TSNARE1: variants seen among roughly 807,000 people sequenced by gnomAD.
The protein encoded by TSNARE1 is t-SNARE domain containing 1, also known as t-SNARE domain-containing protein 1.
In TSNARE1, 49 loss-of-function variants were observed where a neutral mutation model predicts 62.0. The ratio of observed to expected loss-of-function variants is 0.79; its 90% CI spans 0.63 to 1.00. The LOEUF (loss-of-function observed/expected upper bound fraction) is 1.00. TSNARE1 is among the 50% of genes least tolerant of loss of function. The probability of loss-of-function intolerance (pLI) is 0.00; values close to 1 mark genes in which losing one functional copy is unlikely to be tolerated. For synonymous variants in TSNARE1, 328 were observed against 294.4 expected, an observed-to-expected ratio of 1.11 and a Z score of -1.17; for missense variants, 755 against 700.1, an observed-to-expected ratio of 1.08 and a Z score of -0.88.
intron 10 of TSNARE1, among the ~76,000 whole-genome samples, chr8:142,289,455 C>T (rs768589387): frequency 4.6e-5 from 7 of 152,194 alleles, no homozygotes; most frequent in African/African-American, 1.4e-4. Context: ...TCCCTCCTGG[C>T]GACCGAGCTG....
rs138793033 is a variant in TSNARE1 at position 142,352,032 on chromosome 8, C to T, written c.88+2605G>A. On this transcript the variant is annotated intron_variant, in intron 2 of 13. Transcript: ENST00000524325. ...ATGGAAGTTACTAAAGAGAAAAGTGCGAGTCCCGAAGGGAATGATGGATCA... is the reference window on the plus strand; with the variant it reads ...ATGGAAGTTACTAAAGAGAAAAGTGTGAGTCCCGAAGGGAATGATGGATCA... Among the ~76,000 whole-genome samples the T allele has an allele frequency of 6.0e-3, 921 of 152,342 alleles. 10 individuals are homozygous for T. Among genetic ancestry groups the T allele is most frequent in the African/African-American group, 0.021 (862 of 41,572 alleles).
intron 6 of TSNARE1, among the ~76,000 whole-genome samples, chr8:142,324,374 C>T (rs1440202260): frequency 6.6e-6 from 1 of 152,224 alleles, no homozygotes; most frequent in African/African-American, 2.4e-5. Context: ...TGCACAGCTG[C>T]CAGCTCGGCG....
At chr8:142,244,315 C>G (rs1172629240) in intron 12 of TSNARE1, among the ~76,000 whole-genome samples, 1 of 152,202 alleles carries the variant, frequency 6.6e-6, no homozygotes, top group African/African-American at 2.4e-5. Context: ...AGATCACACA[C>G]ATTTCTATAT....
At chr8:142,273,342 C>G in intron 12 of TSNARE1, 2 of 985,420 alleles carry the variant, frequency 2.0e-6, no homozygotes, top group Non-Finnish European at 1.2e-6. Flanking sequence ...TGGTGTGGCC[C>G]TGAGTTTCCA....
At chr8:142,400,248 C>T (rs116354727) in intron 1 of TSNARE1, among the ~76,000 whole-genome samples, 1,529 of 151,808 alleles carry the variant, frequency 0.01, 33 homozygotes, top group African/African-American at 0.035. Context: ...AGTTTGAGTC[C>T]AGCCTAGCCA....
In TSNARE1 at chr8:142,319,063, C is replaced by T. The variant is rs1304554497; in HGVS notation, c.894-429G>A. Among the ~76,000 whole-genome samples the T allele has an allele frequency of 2.0e-5, 3 of 151,924 alleles. No homozygotes were observed. Among genetic ancestry groups the T allele is most frequent in the Non-Finnish European group, 2.9e-5 (2 of 67,968 alleles). ...GGGCAGAAAGGCAGGCAGAGAGAGA[C>T]GGCGCAGGTAAGCTCTGGCTGGGGT... On this transcript the variant is annotated intron_variant, in intron 6 of 13. Coordinates refer to ENST00000524325, the MANE Select transcript of TSNARE1 (RefSeq NM_145003.5). This position sits in a 1 kb window ranked among gnomAD's most constrained non-coding sequence, Gnocchi z 4.9.
intron 11 of TSNARE1, chr8:142,278,924 C>T: frequency 4.7e-6 from 2 of 421,770 alleles, no homozygotes; most frequent in Non-Finnish European, 6.4e-6. Context: ...GCCCAAACTC[C>T]TCAACGTGAC....
intron 10 of TSNARE1, among the ~76,000 whole-genome samples, chr8:142,294,887 C>T (rs182480120): frequency 6.6e-6 from 1 of 152,346 alleles, no homozygotes; most frequent in African/African-American, 2.4e-5. Flanking sequence ...TGGGAATGGC[C>T]TCTCCATCTT....
intron 12 of TSNARE1, among the ~76,000 whole-genome samples, chr8:142,230,938 G>A (rs1345765296): frequency 1.4e-5 from 2 of 141,772 alleles, no homozygotes; most frequent in South Asian, 2.4e-4. Flanking sequence ...CCATCCATCC[G>A]TCCACCTATC....
intron 13 of TSNARE1, among the ~76,000 whole-genome samples, chr8:142,212,832 G>A (rs1330522592): frequency 1.6e-5 from 1 of 64,106 alleles, no homozygotes; most frequent in Non-Finnish European, 2.9e-5. Flanking sequence ...TCCCTCTCCT[G>A]TCCCCTCTCC....
rs978811438 is a variant in TSNARE1 at position 142,275,661 on chromosome 8, G to A, written c.1364-798C>T. Reference sequence around the variant, plus strand: ...AGCACGGGCAAGCCTTCTTCCCGGAGGGAGGTTCCTTGCAAGGCCTGCCTC... The same window carrying A: ...AGCACGGGCAAGCCTTCTTCCCGGAAGGAGGTTCCTTGCAAGGCCTGCCTC... On this transcript the variant is annotated intron_variant, in intron 11 of 13. Coordinates refer to ENST00000524325, the MANE Select transcript of TSNARE1 (RefSeq NM_145003.5). 2.6e-5 allele frequency: 26 copies of A among 985,468 alleles called. No homozygotes were observed. In the African/African-American group the frequency reaches 3.5e-4, roughly 13 times the overall value. 61.0% of individuals were successfully genotyped at this position (985,468 alleles called of 1,614,324 possible).
intron 12 of TSNARE1, among the ~76,000 whole-genome samples, chr8:142,264,901 C>T (rs1819055313): frequency 6.6e-6 from 1 of 152,202 alleles, no homozygotes; most frequent in African/African-American, 2.4e-5. Context: ...GCTCACTGGA[C>T]AGTTCCAAAT....
chr8:142,344,698 T>G (rs1391293789), intron 3 of TSNARE1, among the ~76,000 whole-genome samples: 3 of 152,164 alleles, frequency 2.0e-5, no homozygotes, highest in African/African-American at 4.8e-5. Context: ...AGCTTCTGGG[T>G]CACAGTGCCC....
intron 2 of TSNARE1, 47 bp downstream of exon 2, chr8:142,354,590 A>G (rs910045169): frequency 2.2e-6 from 3 of 1,368,564 alleles, no homozygotes; most frequent in African/African-American, 2.9e-5. Flanking sequence ...TACCCTACCC[A>G]CTACCATCCC....
In TSNARE1 at chr8:142,274,836, G is replaced by A. The variant is rs780434151; in HGVS notation, c.1391C>T (p.Ala464Val). The A allele has an allele frequency of 1.3e-5, 20 of 1,577,580 alleles. No individual in the cohort carries two copies. Among genetic ancestry groups the A allele is most frequent in the African/African-American group, 4.1e-5 (3 of 73,230 alleles). Residue 464 changes from alanine to valine, a missense_variant, in exon 12 of 14, where the codon GCG (alanine) becomes GTG (valine). By Grantham distance (64) the Ala-to-Val change is moderately conservative. Coordinates refer to ENST00000524325, the MANE Select transcript of TSNARE1 (RefSeq NM_145003.5). ...VDSIEASLEA[A>V]SSHAEAARQL... ...GCGGGCTGCCTCCGCATGCGAGGACGCAGCCTCAAGGCTGGCTTCAATACT... is the reference window on the plus strand; with the variant it reads ...GCGGGCTGCCTCCGCATGCGAGGACACAGCCTCAAGGCTGGCTTCAATACT...
intron 10 of TSNARE1, among the ~76,000 whole-genome samples, chr8:142,298,493 G>A (rs981576331): frequency 2.0e-5 from 3 of 152,156 alleles, no homozygotes; most frequent in Admixed American, 2.0e-4. Context: ...TCAGGTGAAG[G>A]TGCCACGCCG....
intron 12 of TSNARE1, among the ~76,000 whole-genome samples, chr8:142,268,799 C>G (rs1203126154): frequency 1.3e-5 from 2 of 152,202 alleles, no homozygotes; most frequent in Non-Finnish European, 2.9e-5. Context: ...CTGCAGCCAT[C>G]CTGGGCCATG....
chr8:142,296,470 G>A (rs1159093566), intron 10 of TSNARE1, among the ~76,000 whole-genome samples: 5 of 148,354 alleles, frequency 3.4e-5, no homozygotes, highest in African/African-American at 1.3e-4. Flanking sequence ...GGTGGTCACT[G>A]TGGGGGAAGG....
intron 12 of TSNARE1, among the ~76,000 whole-genome samples, chr8:142,245,718 C>T (rs565183449): frequency 9.2e-5 from 14 of 152,276 alleles, no homozygotes; most frequent in African/African-American, 2.9e-4. Context: ...ATAACAGACA[C>T]GCAATTTGGG....
Sources: gnomAD v4.1 joint callset for allele counts (sites outside exome capture counted in the v4.1 genomes callset) on GRCh38, gnomAD v4.1.1 for gene constraint, Gnocchi (gnomAD v3.1) non-coding constraint, MANE v1.5 for transcripts, NCBI Gene and HGNC (gene_info 2026-07-23, HGNC 2026-07-21) for gene names.